DYM: variants seen among roughly 807,000 people sequenced by gnomAD.
The protein encoded by DYM is dymeclin.
In DYM, 78 loss-of-function variants were observed where a neutral mutation model predicts 93.1. The observed-to-expected ratio is 0.84, with a 90% CI of 0.70 to 1.01. The LOEUF is 1.01. DYM is among the 50% of genes least tolerant of loss of function. The probability of loss-of-function intolerance (pLI) is 0.00; values close to 1 mark genes in which losing one functional copy is unlikely to be tolerated. For missense variants in DYM, 789 were observed against 845.0 expected (o/e 0.93, Z 0.82); for synonymous variants, 321 against 319.7 (o/e 1.00, Z -0.04).
chr18:49,317,658 T>TCTCCTC (rs1365847360), intron 8 of DYM, among the ~76,000 whole-genome samples: 5 of 50,016 alleles, frequency 1.0e-4, no homozygotes, highest in Admixed American at 2.4e-4. Context: ...CCTTCCTTCC[T>TCTCCTC]TCCTTCCTTC....
At position 49,056,739 on chromosome 18, in the gene DYM, G is replaced by A. The variant is rs1323126480; in HGVS notation, c.2026-12535C>T. 3.3e-5 allele frequency among the ~76,000 whole-genome samples: 5 copies of A among 152,110 alleles called. No homozygotes were observed. In the South Asian group the frequency reaches 1.0e-3, roughly 32 times the overall value. Reference sequence around the variant, plus strand: ...TTTTTTTGTATTTTTAGTAGAGACGGGGTTTCACCATGTTAGCCAGGATGG... The same window carrying A: ...TTTTTTTGTATTTTTAGTAGAGACGAGGTTTCACCATGTTAGCCAGGATGG... On this transcript the variant is annotated intron_variant, in intron 17 of 17. Transcript: ENST00000675505.
At chr18:49,447,415 C>G (rs1306745618) in intron 1 of DYM, 1 of 152,288 alleles carries the variant, frequency 6.6e-6, no homozygotes, top group Non-Finnish European at 1.5e-5. Flanking sequence ...AGGGTATACA[C>G]CCCAGATAGT....
At chr18:49,046,171 A>T (rs1228951718) in intron 17 of DYM, among the ~76,000 whole-genome samples, 2 of 151,510 alleles carry the variant, frequency 1.3e-5, no homozygotes, top group African/African-American at 4.9e-5. Flanking sequence ...GCACGCACAC[A>T]CAGATAAAAC....
chr18:49,390,280 A>T (rs903655110), intron 3 of DYM, among the ~76,000 whole-genome samples: 1 of 152,080 alleles, frequency 6.6e-6, no homozygotes, highest in African/African-American at 2.4e-5. Flanking sequence ...AAATAAAATC[A>T]TTAGGCAGGT....
intron 15 of DYM, among the ~76,000 whole-genome samples, chr18:49,139,322 T>G (rs1462668689): frequency 5.3e-5 from 8 of 152,170 alleles, no homozygotes; most frequent in Non-Finnish European, 1.2e-4. Flanking sequence ...CCTCCAACAT[T>G]TGCTTTCTTA....
At chr18:49,254,052 G>A (rs1029403660) in intron 13 of DYM, among the ~76,000 whole-genome samples, 1 of 151,744 alleles carries the variant, frequency 6.6e-6, no homozygotes, top group Non-Finnish European at 1.5e-5. Flanking sequence ...TCCCTCTCTT[G>A]TTTTGCTTTG....
At chr18:49,333,305 T>C (rs548859302) in intron 7 of DYM, among the ~76,000 whole-genome samples, 85 of 152,070 alleles carry the variant, frequency 5.6e-4, no homozygotes, top group Non-Finnish European at 1.1e-3. Flanking sequence ...GAAGTAGGAA[T>C]AGTCAGCGAA....
intron 17 of DYM, among the ~76,000 whole-genome samples, chr18:49,080,339 ACCC>A (rs1368153923): frequency 1.2e-5 from 1 of 81,688 alleles, no homozygotes; most frequent in Admixed American, 1.4e-4. Context: ...CGGGGGGCTG[ACCC>A]CCCCCAACTC....
intron 2 of DYM, among the ~76,000 whole-genome samples, chr18:49,392,062 A>G (rs6507902): frequency 0.2 from 30,241 of 152,174 alleles, 3,071 homozygotes; most frequent in African/African-American, 0.25. Context: ...AATACTTTCA[A>G]AAAGTTCTAG....
At position 49,416,732 on chromosome 18, in the gene DYM, C is replaced by A. The variant is rs183092610; in HGVS notation, c.140+13523G>T. On this transcript the variant is annotated intron_variant, in intron 2 of 17. Coordinates refer to ENST00000675505, the MANE Select transcript of DYM (RefSeq NM_001353214.3). ...TTTCCTGCCCTAGTTTTTCTTCCTG[C>A]ACTTTCCACCTACTCACCCTACTTA... Among the ~76,000 whole-genome samples the A allele has an allele frequency of 1.6e-3, 240 of 152,202 alleles. 1 individual carries two copies. The highest frequency in any genetic ancestry group is 5.3e-3 in the African/African-American group (221 of 41,512).
chr18:49,160,036 TGAAA>T (rs2062124439), intron 15 of DYM, among the ~76,000 whole-genome samples: 2 of 152,306 alleles, frequency 1.3e-5, no homozygotes, highest in South Asian at 4.1e-4. Flanking sequence ...AAAAATCTGT[TGAAA>T]GATTCTCCTT....
Position 49,333,723 on chromosome 18 carries a change from C to T in DYM, c.620+5G>A. ...AAACTAGACATACTTAAAGTAGAAA[C>T]ATACCATGGACCTCGCATCAAATAC... On this transcript the variant is annotated splice_donor_5th_base_variant and intron_variant, in intron 7 of 17. Transcript: ENST00000675505. 1 of 1,613,702 alleles carries T rather than the reference C, an allele frequency of 6.2e-7. No homozygotes were observed. Among genetic ancestry groups the T allele is most frequent in the Non-Finnish European group, 8.5e-7 (1 of 1,179,732 alleles).
chr18:49,279,463 A>C (rs2094918872), intron 10 of DYM, among the ~76,000 whole-genome samples: 1 of 152,230 alleles, frequency 6.6e-6, no homozygotes. Context: ...TATAGAAGAA[A>C]GGTAAAAGGA....
intron 13 of DYM, among the ~76,000 whole-genome samples, chr18:49,216,254 C>G (rs546454618): frequency 1.3e-5 from 2 of 152,298 alleles, no homozygotes; most frequent in South Asian, 2.1e-4. Context: ...CCGGGAAGCT[C>G]GAACTGGGTA....
At chr18:49,145,134 T>TATATATATATATATAA (rs1555778609) in intron 15 of DYM, among the ~76,000 whole-genome samples, 2,457 of 79,332 alleles carry the variant, frequency 0.031, 318 homozygotes, top group Non-Finnish European at 0.039. Flanking sequence ...TATATATATA[T>TATATATATATATATAA]AATTTATATA....
chr18:49,190,667 C>G (rs944538224), intron 14 of DYM, among the ~76,000 whole-genome samples: 2 of 152,068 alleles, frequency 1.3e-5, no homozygotes, highest in Non-Finnish European at 2.9e-5. Flanking sequence ...ATAAATGTTA[C>G]CTGTATAAAA....
intron 5 of DYM, among the ~76,000 whole-genome samples, chr18:49,376,586 C>T (rs1439409945): frequency 1.3e-5 from 2 of 152,204 alleles, no homozygotes; most frequent in African/African-American, 2.4e-5. Context: ...GCATGCCTTG[C>T]ACACAGCATT....
At chr18:49,444,058 T>C (rs1228486112) in intron 1 of DYM, among the ~76,000 whole-genome samples, 1 of 152,200 alleles carries the variant, frequency 6.6e-6, no homozygotes, top group Non-Finnish European at 1.5e-5. Context: ...AAAATATGTA[T>C]GAAGCAGAAA....
intron 8 of DYM, among the ~76,000 whole-genome samples, chr18:49,299,954 A>T (rs2060801553): frequency 6.6e-6 from 1 of 150,810 alleles, no homozygotes; most frequent in Admixed American, 6.6e-5. Context: ...GAAGCAGGAG[A>T]ATGGCATAAA....
Sources: gnomAD v4.1 joint callset for allele counts (sites outside exome capture counted in the v4.1 genomes callset) on GRCh38, gnomAD v4.1.1 for gene constraint, MANE v1.5 for transcripts, NCBI Gene and HGNC (gene_info 2026-07-23, HGNC 2026-07-21) for gene names.